The following BRF1 variants were observed in gnomAD, a reference collection of about 807,000 sequenced individuals.
The protein encoded by BRF1 is BRF1 general transcription factor IIIB subunit.
In BRF1, 59 loss-of-function variants were observed where a neutral mutation model predicts 81.7. The observed-to-expected ratio is 0.72, with a 90% confidence interval of 0.59 to 0.90. BRF1 has a LOEUF of 0.90. BRF1 is among the 40% of genes least tolerant of loss of function. The pLI is 0.00. For missense variants in BRF1, 1,050 were observed against 936.3 expected (o/e 1.12, Z -1.58); for synonymous variants, 491 against 395.6 (o/e 1.24, Z -2.86).
chr14:105,229,595 A>G (rs72709736), intron 6 of BRF1, among the ~76,000 whole-genome samples: 15,607 of 152,038 alleles, frequency 0.1, 1,068 homozygotes, highest in Non-Finnish European at 0.14. Context: ...GACAGCTGCG[A>G]CCTGGGGGGT....
In BRF1 at chr14:105,250,446, G is replaced by A; in HGVS notation, c.544+2061C>T. 1.2e-6 allele frequency: 2 copies of A among 1,614,040 alleles called. No homozygotes were observed. Among genetic ancestry groups the A allele is most frequent in the Admixed American group, 1.7e-5 (1 of 60,026 alleles). On this transcript the variant is annotated intron_variant, in intron 5 of 17. Transcript: ENST00000547530. ...ACCAAGTTCATGTCAGACGGATCCA[G>A]TAACACCTTCCCGGTCTGGTTTGAA...
chr14:105,244,875 T>A (rs139968379), intron 5 of BRF1, among the ~76,000 whole-genome samples: 2,285 of 151,458 alleles, frequency 0.015, 54 homozygotes, highest in African/African-American at 0.053. Flanking sequence ...AATGACCAGG[T>A]ATGATAGAAC....
chr14:105,270,065 G>A (rs1046779760), intron 3 of BRF1, among the ~76,000 whole-genome samples: 35 of 152,178 alleles, frequency 2.3e-4, no homozygotes, highest in African/African-American at 8.2e-4. Flanking sequence ...TCTGTCTCTC[G>A]CCCTGCAGTG....
At chr14:105,229,719 T>A (rs587674528) in intron 6 of BRF1, among the ~76,000 whole-genome samples, 6 of 86,606 alleles carry the variant, frequency 6.9e-5, no homozygotes, top group South Asian at 4.7e-4. Context: ...GCCACACCAC[T>A]GTCCGCGTAG....
chr14:105,217,230 G>T, intron 15 of BRF1: 1 of 484,518 alleles, frequency 2.1e-6, no homozygotes, highest in South Asian at 2.7e-5. Flanking sequence ...TCTTCTTCCC[G>T]AACCCAGGCT....
chr14:105,278,927 C>T (rs2056957360), intron 2 of BRF1, among the ~76,000 whole-genome samples: 1 of 152,088 alleles, frequency 6.6e-6, no homozygotes. Flanking sequence ...ACCTGTAATC[C>T]CAGCTACTCG....
intron 5 of BRF1, among the ~76,000 whole-genome samples, chr14:105,246,003 T>C (rs1020262437): frequency 6.6e-6 from 1 of 152,224 alleles, no homozygotes; most frequent in African/African-American, 2.4e-5. Flanking sequence ...GAAGAGACTA[T>C]GTGCAAACCA....
chr14:105,217,533 C>T lies in BRF1; in HGVS notation c.1772+11G>A. The T allele has an allele frequency of 6.2e-7, 1 of 1,611,110 alleles. No individual in the cohort carries two copies. The highest frequency in any genetic ancestry group is 8.5e-7 in the Non-Finnish European group (1 of 1,178,208). ...GCTGCCCTAACCCAGCCACTCAGGA[C>T]AGGATGGTACCTTTTCCCCACACTG... On this transcript the variant is annotated intron_variant, in intron 15 of 17. Coordinates refer to ENST00000547530, the MANE Select transcript of BRF1 (RefSeq NM_001519.4).
intron 1 of BRF1, among the ~76,000 whole-genome samples, chr14:105,306,615 GT>G (rs930977513): frequency 6.7e-6 from 1 of 149,284 alleles, no homozygotes; most frequent in Non-Finnish European, 1.5e-5. Context: ...TTTTTTGGGG[GT>G]TTTTTTTGAG....
At chr14:105,280,002 C>A (rs923138075) in intron 2 of BRF1, among the ~76,000 whole-genome samples, 23 of 152,208 alleles carry the variant, frequency 1.5e-4, no homozygotes, top group Admixed American at 1.4e-3. Flanking sequence ...CACAAAATGG[C>A]TCAGGTGCTT....
At chr14:105,250,135 G>C in intron 5 of BRF1, 1 of 1,613,002 alleles carries the variant, frequency 6.2e-7, no homozygotes, top group Non-Finnish European at 8.5e-7. Flanking sequence ...CTCTGGAGGA[G>C]ACCCACAGCA....
intron 4 of BRF1, among the ~76,000 whole-genome samples, chr14:105,254,601 G>A (rs1427181315): frequency 6.6e-6 from 1 of 151,674 alleles, no homozygotes; most frequent in Non-Finnish European, 1.5e-5. Context: ...CACTCTTGTT[G>A]CCCAGGCTGG....
intron 2 of BRF1, among the ~76,000 whole-genome samples, chr14:105,275,133 AATG>A (rs1419926367): frequency 6.6e-6 from 1 of 152,210 alleles, no homozygotes; most frequent in Non-Finnish European, 1.5e-5. Flanking sequence ...AAACTTCACT[AATG>A]ATGACCAGCA....
At chr14:105,314,866 T>G (rs2140745719) in intron 1 of BRF1, 2 of 843,668 alleles carry the variant, frequency 2.4e-6, no homozygotes, top group African/African-American at 2.0e-5. Context: ...CCGCCGCGCG[T>G]CCGCGGCCCG....
rs1213661372 is a variant in BRF1, at chr14:105,209,598, C to A, written c.*953G>T. 1.4e-6 allele frequency: 1 copy of A among 702,396 alleles called. No individual in the cohort carries two copies. Among genetic ancestry groups the A allele is most frequent in the Non-Finnish European group, 2.6e-6 (1 of 384,698 alleles). The allele number at this position is 702,396 out of a possible 1,614,324, so 43.5% of individuals were successfully genotyped here. On this transcript the variant is annotated 3_prime_UTR_variant, in exon 18 of 18. Transcript: ENST00000547530. ...CTCCTACGAGTGGTACTGGGGCCTTCCCACGAAGAGGCCTGGGGAGGCTCT... is the reference window on the plus strand; with the variant it reads ...CTCCTACGAGTGGTACTGGGGCCTTACCACGAAGAGGCCTGGGGAGGCTCT...
chr14:105,283,936 C>T (rs2057215600), intron 2 of BRF1, among the ~76,000 whole-genome samples: 3 of 152,206 alleles, frequency 2.0e-5, no homozygotes, highest in African/African-American at 7.2e-5. Context: ...GCCCCAGCCC[C>T]CACCTGGAGG....
chr14:105,307,662 T>A (rs2058228962), intron 1 of BRF1, among the ~76,000 whole-genome samples: 1 of 152,248 alleles, frequency 6.6e-6, no homozygotes, highest in Non-Finnish European at 1.5e-5. Context: ...TATGGCCTTC[T>A]CACCTTCTCA....
chr14:105,281,281 T>TGG (rs920765919), intron 2 of BRF1, among the ~76,000 whole-genome samples: 3 of 121,732 alleles, frequency 2.5e-5, no homozygotes, highest in African/African-American at 6.5e-5. Context: ...CCCGGGTGTG[T>TGG]GGATACAGCC....
intron 1 of BRF1, among the ~76,000 whole-genome samples, chr14:105,296,073 T>C (rs1595488979): frequency 5.0e-5 from 4 of 80,464 alleles, no homozygotes; most frequent in African/African-American, 1.8e-4. Flanking sequence ...AGAGCGACAC[T>C]CTATCTCAAA....
Sources: allele counts gnomAD v4.1 joint callset (sites outside exome capture counted in the v4.1 genomes callset), GRCh38; gene constraint gnomAD v4.1.1; transcripts MANE v1.5; gene names NCBI Gene and HGNC (gene_info 2026-07-23, HGNC 2026-07-21).